EDA: variants seen among roughly 807,000 people sequenced by gnomAD.
EDA encodes the protein ectodysplasin A, also known as ectodysplasin-A.
Under a neutral mutation model 23.6 loss-of-function variants are expected in EDA, and 2 were observed. The ratio of observed to expected loss-of-function variants is 0.08; its 90% CI spans 0.03 to 0.27. The LOEUF (loss-of-function observed/expected upper bound fraction) is 0.27, where lower values mean the gene tolerates loss of function less well. Ranked by LOEUF, EDA falls within the 10% of genes least tolerant of loss-of-function variation. EDA has a pLI of 1.00. For missense variants in EDA, 229 were observed against 324.2 expected (o/e 0.71, Z 2.26); for synonymous variants, 131 against 132.0 (o/e 0.99, Z 0.05).
At chrX:69,750,593 T>G (rs775254313) in intron 1 of EDA, among the ~76,000 whole-genome samples, 5 of 111,279 alleles carry the variant, frequency 4.5e-5, no homozygotes, top group Non-Finnish European at 9.4e-5. Flanking sequence ...TTGAGGAATC[T>G]CCACACTGTC....
At chrX:69,899,878 C>T (rs1054851950) in intron 1 of EDA, among the ~76,000 whole-genome samples, 2 of 111,242 alleles carry the variant, frequency 1.8e-5, no homozygotes, top group African/African-American at 6.5e-5. Flanking sequence ...TTCTGTTACA[C>T]CCCAGCTATC....
intron 1 of EDA, among the ~76,000 whole-genome samples, chrX:69,786,157 T>C (rs937569031): frequency 7.0e-4 from 78 of 111,242 alleles, no homozygotes; most frequent in African/African-American, 2.5e-3. Context: ...TATCATTTTT[T>C]ATTGCATCTA....
intron 1 of EDA, among the ~76,000 whole-genome samples, chrX:69,899,831 C>T (rs935086664): frequency 7.2e-5 from 8 of 111,193 alleles, no homozygotes; most frequent in Middle Eastern, 4.6e-3. Context: ...ATGGTTGAGT[C>T]CGAATTGTTT....
chrX:69,844,021 C>A (rs866204230), intron 1 of EDA, among the ~76,000 whole-genome samples: 495 of 61,287 alleles, frequency 8.1e-3, no homozygotes, highest in South Asian at 0.013. Flanking sequence ...GACTCTGTCT[C>A]AAAAAAAAAA....
At chrX:69,915,744 A>G (rs1314650744) in intron 1 of EDA, among the ~76,000 whole-genome samples, 2 of 111,680 alleles carry the variant, frequency 1.8e-5, no homozygotes, top group Non-Finnish European at 3.8e-5. Flanking sequence ...ATGGTCCAGT[A>G]GAGAAGTCAG....
intron 2 of EDA, among the ~76,000 whole-genome samples, chrX:69,960,839 C>T (rs752166320): frequency 5.0e-4 from 49 of 98,794 alleles, no homozygotes; most frequent in African/African-American, 1.7e-3. Context: ...GGTGAAACCC[C>T]GTCTCTACCA....
intron 1 of EDA, among the ~76,000 whole-genome samples, chrX:69,766,308 T>A (rs982561582): frequency 8.1e-5 from 9 of 111,100 alleles, no homozygotes; most frequent in Non-Finnish European, 1.5e-4. Context: ...TATTTTAGGT[T>A]CAGGGTTACA....
intron 1 of EDA, among the ~76,000 whole-genome samples, chrX:69,817,189 A>G (rs1353130515): frequency 8.9e-6 from 1 of 111,939 alleles, no homozygotes; most frequent in East Asian, 2.8e-4. Flanking sequence ...TGTTACCATC[A>G]GGCCTACCTT....
chrX:69,669,581 A>G (rs929739744), intron 1 of EDA, among the ~76,000 whole-genome samples: 4 of 112,123 alleles, frequency 3.6e-5, no homozygotes, highest in African/African-American at 9.7e-5. Flanking sequence ...TATATTTTTG[A>G]TGTAACAATT....
intron 1 of EDA, among the ~76,000 whole-genome samples, chrX:69,788,885 C>T (rs2015300113): frequency 8.9e-6 from 1 of 112,956 alleles, no homozygotes; most frequent in Admixed American, 9.3e-5. Context: ...GCGCCCCTCC[C>T]CCAGCCTCGC....
chrX:69,678,972 T>C (rs1393914403), intron 1 of EDA, among the ~76,000 whole-genome samples: 1 of 83,878 alleles, frequency 1.2e-5, no homozygotes, highest in Non-Finnish European at 2.3e-5. Context: ...CATAGATAGC[T>C]CTTATTATTT....
intron 1 of EDA, among the ~76,000 whole-genome samples, chrX:69,815,248 G>T (rs1202593198): frequency 8.9e-6 from 1 of 112,067 alleles, no homozygotes; most frequent in Non-Finnish European, 1.9e-5. Flanking sequence ...ATGTTCCAGA[G>T]GAGGAGAGGT....
chrX:69,805,915 C>T (rs2015804065), intron 1 of EDA, among the ~76,000 whole-genome samples: 1 of 111,754 alleles, frequency 8.9e-6, no homozygotes, highest in African/African-American at 3.2e-5. Context: ...TTAAGATGAA[C>T]TAACTGAGAT....
intron 2 of EDA, among the ~76,000 whole-genome samples, chrX:69,995,249 G>A (rs769385207): frequency 8.0e-5 from 9 of 112,028 alleles, no homozygotes; most frequent in Non-Finnish European, 1.3e-4. Flanking sequence ...TGTGCATTCA[G>A]TAGCTACCCC....
At chrX:69,972,618 C>T (rs1399014526) in intron 2 of EDA, among the ~76,000 whole-genome samples, 2 of 111,958 alleles carry the variant, frequency 1.8e-5, no homozygotes, top group African/African-American at 6.5e-5. Context: ...AGTTGTAAGT[C>T]TGCCACTTAT....
chrX:69,915,828 G>A (rs1167375706), intron 1 of EDA, among the ~76,000 whole-genome samples: 2 of 110,992 alleles, frequency 1.8e-5, no homozygotes, highest in Non-Finnish European at 3.8e-5. Flanking sequence ...ATGGAAGCAC[G>A]TAACAGTAGA....
chrX:69,821,297 C>A (rs1481757063), intron 1 of EDA, among the ~76,000 whole-genome samples: 2 of 108,923 alleles, frequency 1.8e-5, no homozygotes, highest in Non-Finnish European at 3.8e-5. Context: ...GGATTCTGGA[C>A]TCAATACCTG....
At chrX:69,808,718 A>G (rs937160851) in intron 1 of EDA, among the ~76,000 whole-genome samples, 35 of 112,092 alleles carry the variant, frequency 3.1e-4, no homozygotes, top group Non-Finnish European at 6.2e-4. Context: ...GGTATGTTTT[A>G]TTCCTTTCAA....
At chrX:70,026,249 A>G (rs2020105116) in intron 3 of EDA, among the ~76,000 whole-genome samples, 1 of 112,395 alleles carries the variant, frequency 8.9e-6, no homozygotes, top group African/African-American at 3.2e-5. Flanking sequence ...GCCTACATGT[A>G]GTCTTTGAGT....
Sources: allele counts gnomAD v4.1 joint callset (sites outside exome capture counted in the v4.1 genomes callset), GRCh38; gene constraint gnomAD v4.1.1; transcripts MANE v1.5; gene names NCBI Gene and HGNC (gene_info 2026-07-23, HGNC 2026-07-21).